Variants in AFAP1 observed in about 807,000 individuals in gnomAD.
AFAP1 encodes the protein actin filament associated protein 1, also known as actin filament-associated protein 1.
In AFAP1, 75 loss-of-function variants were observed where a neutral mutation model predicts 93.9. That is an observed-to-expected ratio of 0.80 (90% CI 0.66 to 0.97). The LOEUF (loss-of-function observed/expected upper bound fraction) is 0.97, where lower values mean the gene tolerates loss of function less well. Among genes scored for constraint, AFAP1 ranks in the 50% least tolerant of loss-of-function variants. The pLI is 0.00. For synonymous variants in AFAP1, 517 were observed against 430.7 expected, an observed-to-expected ratio of 1.20 and a Z score of -2.48; for missense variants, 1,201 against 1,050.8, an observed-to-expected ratio of 1.14 and a Z score of -1.98.
intron 4 of AFAP1, among the ~76,000 whole-genome samples, chr4:7,850,383 C>T (rs1396949203): frequency 6.6e-6 from 1 of 152,198 alleles, no homozygotes; most frequent in Admixed American, 6.5e-5. Context: ...CACACACCCA[C>T]ACCCCATAAC....
intron 1 of AFAP1, among the ~76,000 whole-genome samples, chr4:7,901,216 G>A (rs1390766777): frequency 6.6e-6 from 1 of 152,220 alleles, no homozygotes; most frequent in Non-Finnish European, 1.5e-5. Flanking sequence ...ATGCCTGTGC[G>A]TGCCTAGCAG....
intron 1 of AFAP1, among the ~76,000 whole-genome samples, chr4:7,881,780 C>CAAA (rs35520560): frequency 4.2e-4 from 59 of 140,492 alleles, no homozygotes; most frequent in South Asian, 2.1e-3. Context: ...GACTCCATCT[C>CAAA]AAAAAAAAAA....
intron 1 of AFAP1, among the ~76,000 whole-genome samples, chr4:7,900,632 C>A (rs893939970): frequency 2.6e-5 from 4 of 152,250 alleles, no homozygotes; most frequent in African/African-American, 9.6e-5. Flanking sequence ...TAACAATCAA[C>A]TTAAATACAC....
At chr4:7,825,026 T>C (rs1006467216) in intron 6 of AFAP1, among the ~76,000 whole-genome samples, 3 of 152,242 alleles carry the variant, frequency 2.0e-5, no homozygotes, top group Admixed American at 2.0e-4. Context: ...GCATTTGTAT[T>C]ATAAAACAAT....
At chr4:7,838,458 A>C in intron 6 of AFAP1, 66 bp downstream of exon 6, 1 of 1,516,794 alleles carries the variant, frequency 6.6e-7, no homozygotes, top group Non-Finnish European at 8.8e-7. Context: ...TTAAAATTAA[A>C]ATTAAAATGG....
intron 1 of AFAP1, among the ~76,000 whole-genome samples, chr4:7,877,714 T>C (rs560811325): frequency 6.6e-6 from 1 of 152,246 alleles, no homozygotes; most frequent in Non-Finnish European, 1.5e-5. Flanking sequence ...TTCCACAGAC[T>C]GTTTTCAGAG....
rs752621190 is a variant in AFAP1 at position 7,816,139 on chromosome 4, A to G, written c.823-40T>C. The stretch of plus-strand genomic sequence containing the variant: ...AGATTAAGTTATTCTTACAGTGGTC[A>G]CTTGGACCCAGTGATGTGTGATGGA... On this transcript the variant is annotated intron_variant, in intron 7 of 17. Coordinates refer to ENST00000420658, the MANE Select transcript of AFAP1 (RefSeq NM_001134647.2). The G allele has an allele frequency of 9.0e-6, 14 of 1,550,230 alleles. No individual in the cohort carries two copies. The South Asian group carries it at 1.4e-4, about 15-fold the overall frequency.
chr4:7,925,478 C>T (rs966777593), intron 1 of AFAP1, among the ~76,000 whole-genome samples: 3 of 151,984 alleles, frequency 2.0e-5, no homozygotes, highest in African/African-American at 7.3e-5. Context: ...TTTGGGAGGC[C>T]GAGTCAGGTG....
chr4:7,767,319 C>A (rs1714743201), intron 17 of AFAP1, among the ~76,000 whole-genome samples: 1 of 152,300 alleles, frequency 6.6e-6, no homozygotes, highest in Middle Eastern at 3.4e-3. Flanking sequence ...ATGACGGAAG[C>A]ACACACGGTG....
chr4:7,841,341 T>G (rs4689167), intron 5 of AFAP1, among the ~76,000 whole-genome samples: 104,265 of 152,114 alleles, frequency 0.69, 36,373 homozygotes, highest in African/African-American at 0.8. Flanking sequence ...GAGGGAGCTC[T>G]GCCTTGGGCT....
At chr4:7,885,221 T>C (rs1718078649) in intron 1 of AFAP1, among the ~76,000 whole-genome samples, 1 of 152,216 alleles carries the variant, frequency 6.6e-6, no homozygotes, top group East Asian at 1.9e-4. Flanking sequence ...ATTTTCTAGA[T>C]TGTCTCTTTC....
chr4:7,789,856 G>A (rs1233491695), intron 11 of AFAP1, among the ~76,000 whole-genome samples: 1 of 152,226 alleles, frequency 6.6e-6, no homozygotes, highest in South Asian at 2.1e-4. Context: ...GTGACTTGAA[G>A]AGAGTTTCAG....
intron 6 of AFAP1, among the ~76,000 whole-genome samples, chr4:7,822,284 T>G (rs546555024): frequency 3.9e-5 from 6 of 152,246 alleles, no homozygotes; most frequent in Admixed American, 1.3e-4. Context: ...CCTTCCTCAA[T>G]AACACGCACA....
intron 10 of AFAP1, chr4:7,798,751 C>T (rs1053168658): frequency 3.9e-5 from 13 of 334,366 alleles, no homozygotes; most frequent in African/African-American, 6.8e-5. Context: ...CTCCAGGACT[C>T]GGGGCACACA....
intron 1 of AFAP1, among the ~76,000 whole-genome samples, chr4:7,938,518 G>C (rs1270625598): frequency 6.6e-6 from 1 of 152,110 alleles, no homozygotes; most frequent in African/African-American, 2.4e-5. Flanking sequence ...GCAGCATCAG[G>C]TCTTCCCATC....
chr4:7,829,763 T>A (rs1293267439), intron 6 of AFAP1, among the ~76,000 whole-genome samples: 1 of 152,204 alleles, frequency 6.6e-6, no homozygotes, highest in Non-Finnish European at 1.5e-5. Flanking sequence ...GATATATTGT[T>A]GGTGGGAGGG....
At chr4:7,803,437 G>A (rs1049994622) in intron 9 of AFAP1, among the ~76,000 whole-genome samples, 1 of 152,176 alleles carries the variant, frequency 6.6e-6, no homozygotes, top group Non-Finnish European at 1.5e-5. Context: ...AACCACAGAG[G>A]ACCCAGTCCC....
chr4:7,868,501 T>A (rs1297212611), intron 3 of AFAP1, 121 bp downstream of exon 3: 6 of 759,926 alleles, frequency 7.9e-6, no homozygotes, highest in Non-Finnish European at 1.2e-5. Flanking sequence ...CTCAAAGGAG[T>A]GCCTCGAGAC....
At chr4:7,784,376 G>A (rs935554133) in intron 12 of AFAP1, among the ~76,000 whole-genome samples, 4 of 152,054 alleles carry the variant, frequency 2.6e-5, no homozygotes, top group African/African-American at 9.7e-5. Context: ...AGCTCTCCCC[G>A]CTCCTATGTC....
Sources: allele counts gnomAD v4.1 joint callset (sites outside exome capture counted in the v4.1 genomes callset), GRCh38; gene constraint gnomAD v4.1.1; transcripts MANE v1.5; gene names NCBI Gene and HGNC (gene_info 2026-07-23, HGNC 2026-07-21).